The following AKAP19 variants were observed in gnomAD, a reference collection of about 807,000 sequenced individuals.
AKAP19 encodes A-kinase anchoring protein 19, also known as small A-kinase anchoring protein.
At chr2:189,892,029 ATT>A in the AKAP19 span, among the ~76,000 whole-genome samples, 1 of 151,434 alleles carries the variant, frequency 6.6e-6, no homozygotes, top group Non-Finnish European at 1.5e-5. Flanking sequence ...CGATTCAGCT[ATT>A]GATACTTGTG....
chr2:189,938,985 G>C, the AKAP19 span, among the ~76,000 whole-genome samples: 2 of 152,152 alleles, frequency 1.3e-5, no homozygotes, highest in Non-Finnish European at 2.9e-5. Flanking sequence ...TTCTACACTG[G>C]AAAAAGTGAG....
the AKAP19 span, among the ~76,000 whole-genome samples, chr2:189,905,400 T>C: frequency 6.6e-6 from 1 of 151,984 alleles, no homozygotes; most frequent in African/African-American, 2.4e-5. Context: ...ACAAGAAGTA[T>C]GTAGTTGGGA....
chr2:189,989,821 A>G, the AKAP19 span, among the ~76,000 whole-genome samples: 1 of 152,194 alleles, frequency 6.6e-6, no homozygotes, highest in Non-Finnish European at 1.5e-5. Flanking sequence ...GAAGTGCAAG[A>G]GTTGAATAGT....
At chr2:190,041,047 A>G in the AKAP19 span, among the ~76,000 whole-genome samples, 2 of 152,202 alleles carry the variant, frequency 1.3e-5, no homozygotes, top group South Asian at 2.1e-4. Flanking sequence ...TATTTTTTCT[A>G]GTTCTGTGAA....
At chr2:190,192,493 T>C in the AKAP19 span, among the ~76,000 whole-genome samples, 1 of 151,182 alleles carries the variant, frequency 6.6e-6, no homozygotes, top group Admixed American at 6.6e-5. Context: ...TGTGTGTGTA[T>C]CTATATATCT....
At chr2:190,067,922 C>A in the AKAP19 span, among the ~76,000 whole-genome samples, 1 of 152,122 alleles carries the variant, frequency 6.6e-6, no homozygotes, top group African/African-American at 2.4e-5. Context: ...ATACTAGGGG[C>A]CAGGCACGGT....
the AKAP19 span, among the ~76,000 whole-genome samples, chr2:189,952,687 TCTACTG>T: frequency 6.6e-6 from 1 of 152,244 alleles, no homozygotes; most frequent in African/African-American, 2.4e-5. Context: ...ACAGGATACT[TCTACTG>T]CACTTACTGT....
At chr2:189,943,459 G>A in the AKAP19 span, among the ~76,000 whole-genome samples, 4 of 152,316 alleles carry the variant, frequency 2.6e-5, no homozygotes, top group South Asian at 2.1e-4. Flanking sequence ...TGGGTGTCCC[G>A]GCAGAAGCCT....
the AKAP19 span, among the ~76,000 whole-genome samples, chr2:190,067,612 AG>A: frequency 6.6e-6 from 1 of 152,214 alleles, no homozygotes; most frequent in Admixed American, 6.5e-5. Flanking sequence ...TGTCAGTTCT[AG>A]GGTATAGACT....
the AKAP19 span, among the ~76,000 whole-genome samples, chr2:190,038,932 T>TTCTTCTTCTTCC: frequency 5.0e-5 from 7 of 141,200 alleles, no homozygotes; most frequent in Admixed American, 1.4e-4. Flanking sequence ...CTTCTTCTTC[T>TTCTTCTTCTTCC]TCTTCTTCTT....
chr2:190,061,007 T>C, the AKAP19 span, among the ~76,000 whole-genome samples: 2 of 152,012 alleles, frequency 1.3e-5, no homozygotes, highest in African/African-American at 4.8e-5. Flanking sequence ...AACACAAAAA[T>C]TTTGATGTTA....
the AKAP19 span, chr2:190,150,132 G>A: frequency 2.0e-5 from 3 of 152,414 alleles, no homozygotes; most frequent in Non-Finnish European, 4.4e-5. Flanking sequence ...AACTTGCCCT[G>A]GGCTACCCAC....
chr2:190,123,009 G>A, the AKAP19 span, among the ~76,000 whole-genome samples: 22 of 151,798 alleles, frequency 1.4e-4, no homozygotes, highest in African/African-American at 4.6e-4. Flanking sequence ...ACAAGATCTC[G>A]CTATGTTGCC....
the AKAP19 span, among the ~76,000 whole-genome samples, chr2:190,173,114 C>CAAAAA: frequency 0.51 from 72,667 of 142,798 alleles, 18,981 homozygotes; most frequent in East Asian, 0.8. Flanking sequence ...GACTCCATCT[C>CAAAAA]AAAAAAAATA....
chr2:190,168,289 A>G, the AKAP19 span, among the ~76,000 whole-genome samples: 1 of 152,094 alleles, frequency 6.6e-6, no homozygotes, highest in East Asian at 1.9e-4. Context: ...TCTCTAGACC[A>G]CACACAGCAT....
At chr2:190,032,667 C>T in the AKAP19 span, among the ~76,000 whole-genome samples, 6 of 152,052 alleles carry the variant, frequency 3.9e-5, no homozygotes, top group East Asian at 1.2e-3. Flanking sequence ...CTAAAATTGA[C>T]CATCTATATT....
chr2:189,909,311 A>G, the AKAP19 span, among the ~76,000 whole-genome samples: 1 of 17,606 alleles, frequency 5.7e-5, no homozygotes, highest in Non-Finnish European at 1.9e-4. Flanking sequence ...TAAAAATTTC[A>G]GTCACTGTAT....
chr2:190,152,798 T>G, the AKAP19 span, among the ~76,000 whole-genome samples: 1 of 152,234 alleles, frequency 6.6e-6, no homozygotes, highest in Non-Finnish European at 1.5e-5. Context: ...TATATCCTTT[T>G]TATTAGAAAG....
the AKAP19 span, among the ~76,000 whole-genome samples, chr2:190,045,978 A>T: frequency 3.3e-5 from 5 of 152,316 alleles, no homozygotes; most frequent in Non-Finnish European, 5.9e-5. Context: ...GGTTGCAAAG[A>T]TCCGTGGGAG....
Sources: gnomAD v4.1 joint callset for allele counts (sites outside exome capture counted in the v4.1 genomes callset) on GRCh38, gnomAD v4.1.1 for gene constraint, MANE v1.5 for transcripts, NCBI Gene and HGNC (gene_info 2026-07-23, HGNC 2026-07-21) for gene names.